CA1: variants seen among roughly 807,000 people sequenced by gnomAD.
The protein encoded by CA1 is carbonic anhydrase 1.
In CA1, 27 loss-of-function variants were observed where a neutral mutation model predicts 28.8. The observed-to-expected ratio is 0.94, with a 90% CI of 0.69 to 1.29. CA1 has a LOEUF of 1.29. CA1 is among the 50% of genes most tolerant of loss of function. The pLI is 0.00. For missense variants in CA1, 335 were observed against 310.5 expected (o/e 1.08, Z -0.59); for synonymous variants, 121 against 108.8 (o/e 1.11, Z -0.70).
chr8:85,353,493 G>A lies in CA1; in HGVS notation c.-24-11834C>T, dbSNP rs934421654. On this transcript the variant is annotated intron_variant, in intron 1 of 7. Coordinates refer to ENST00000523022, the MANE Select transcript of CA1 (RefSeq NM_001128831.4). ...ACTGCACGTATTATTTTGCTCTTTC[G>A]AAAAAAATACAAATAATACATACTG... Among the ~76,000 whole-genome samples, 5 of 151,960 alleles carry A rather than the reference G, an allele frequency of 3.3e-5. No individual in the cohort carries two copies. The South Asian group carries it at 6.2e-4, about 19-fold the overall frequency.
At chr8:85,334,412 T>C (rs1031058662) in intron 4 of CA1, among the ~76,000 whole-genome samples, 3 of 152,148 alleles carry the variant, frequency 2.0e-5, no homozygotes, top group African/African-American at 7.2e-5. Context: ...TTCTCTGGAA[T>C]TTCCTTCCCC....
intron 1 of CA1, among the ~76,000 whole-genome samples, chr8:85,376,153 A>C (rs1028474952): frequency 2.0e-5 from 3 of 152,128 alleles, no homozygotes; most frequent in African/African-American, 7.2e-5. Context: ...CAACATGGCG[A>C]AACCCCATCT....
At chr8:85,334,508 T>A (rs1309522707) in intron 4 of CA1, among the ~76,000 whole-genome samples, 1 of 152,132 alleles carries the variant, frequency 6.6e-6, no homozygotes. Context: ...GATCATCCAA[T>A]ATAAAGTAAC....
At chr8:85,368,299 A>G (rs1208252282) in intron 1 of CA1, among the ~76,000 whole-genome samples, 1 of 151,854 alleles carries the variant, frequency 6.6e-6, no homozygotes, top group Non-Finnish European at 1.5e-5. Context: ...TCCTGAGTAG[A>G]TGGGACTAGA....
chr8:85,333,571 G>A lies in CA1; in HGVS notation c.404C>T (p.Ala135Val). 6.2e-7 allele frequency: 1 copy of A among 1,612,864 alleles called. No individual in the cohort carries two copies. Among genetic ancestry groups the A allele is most frequent in the Non-Finnish European group, 8.5e-7 (1 of 1,179,150 alleles). The change falls in exon 5 of 8, where the codon GCT (alanine) becomes GTT (valine). Residue 135 changes from alanine to valine, a missense_variant. Transcript: ENST00000523022. ...TGCCAAACCATCAGCCTTTGAGGCA[G>A]CTTCAGCAAGGCTGGAGTACTTTGC... Reference protein sequence around the residue: ...NSAKYSSLAEAASKADGLAVI... With the variant: ...NSAKYSSLAEVASKADGLAVI...
At chr8:85,369,585 A>T (rs931935577) in intron 1 of CA1, among the ~76,000 whole-genome samples, 3 of 152,206 alleles carry the variant, frequency 2.0e-5, no homozygotes, top group African/African-American at 7.2e-5. Context: ...AGGGCCAACA[A>T]GAAGGAGATG....
intron 4 of CA1, among the ~76,000 whole-genome samples, chr8:85,334,722 G>C (rs773919599): frequency 1.3e-5 from 2 of 150,848 alleles, no homozygotes; most frequent in African/African-American, 4.9e-5. Context: ...TTTAAAAACA[G>C]TATCTCACGC....
intron 1 of CA1, among the ~76,000 whole-genome samples, chr8:85,370,857 T>G (rs1810197012): frequency 6.6e-6 from 1 of 152,224 alleles, no homozygotes; most frequent in African/African-American, 2.4e-5. Flanking sequence ...TAGGTTAAAA[T>G]ATAATTTGCC....
chr8:85,336,948 G>T lies in CA1; in HGVS notation c.351C>A (p.Ala117=), dbSNP rs779414954. 6.4e-7 allele frequency: 1 copy of T among 1,573,296 alleles called. No homozygotes were observed. The highest frequency in any genetic ancestry group is 8.7e-7 in the Non-Finnish European group (1 of 1,143,026). ...CTCACTTACTAAATTACATTACCTC[G>T]GCAGAATATTTGACTCCATCCACTG... ...EHTVDGVKYS[A]ELHVAHWNSA... is the part of the protein sequence containing the mutation. Residue 117 remains alanine (A), a synonymous_variant, in exon 4 of 8, where the codon GCC becomes GCA. Transcript: ENST00000523022.
At chr8:85,329,281 A>T (rs1808298506) in intron 7 of CA1, among the ~76,000 whole-genome samples, 1 of 152,192 alleles carries the variant, frequency 6.6e-6, no homozygotes, top group Non-Finnish European at 1.5e-5. Flanking sequence ...ATTTTGTTGA[A>T]TATTTAAAAG....
At position 85,360,671 on chromosome 8, in the gene CA1, C is replaced by T. The variant is rs1044470881; in HGVS notation, c.-25+17375G>A. Reference sequence around the variant, plus strand: ...TTGCAGCACTGCACTCCAGCCTGGGCGACACCCCCTGTCTCTAAATAAATA... The same window carrying T: ...TTGCAGCACTGCACTCCAGCCTGGGTGACACCCCCTGTCTCTAAATAAATA... On this transcript the variant is annotated intron_variant, in intron 1 of 7. Coordinates refer to ENST00000523022, the MANE Select transcript of CA1 (RefSeq NM_001128831.4). Among the ~76,000 whole-genome samples the T allele has an allele frequency of 2.0e-5, 3 of 152,072 alleles. 1 individual carries two copies. Among genetic ancestry groups the T allele is most frequent in the South Asian group, 4.1e-4 (2 of 4,820 alleles).
rs1366279124 is a variant in CA1, at chr8:85,338,398, G to A, written c.89C>T (p.Ser30Phe). 1 of 1,613,876 alleles carries A rather than the reference G, an allele frequency of 6.2e-7. No individual in the cohort carries two copies. The highest frequency in any genetic ancestry group is 8.5e-7 in the Non-Finnish European group (1 of 1,179,936). ...TTCACTGGTTTTAATATCAACAGGG[G>A]ACTGGTTATTTCCATTGGCAATGGG... is the stretch of plus-strand genomic sequence containing the variant. ...LYPIANGNNQ[S>F]PVDIKTSETK... is the part of the protein sequence containing the mutation. The change falls in exon 3 of 8, where the codon TCC becomes TTC. Residue 30 changes from serine (S) to phenylalanine (F), a missense_variant. By Grantham distance (155) the Ser-to-Phe change is radical (BLOSUM62 -2). Transcript: ENST00000523022.
At chr8:85,348,346 C>T (rs1809281656) in intron 1 of CA1, among the ~76,000 whole-genome samples, 1 of 152,232 alleles carries the variant, frequency 6.6e-6, no homozygotes, top group South Asian at 2.1e-4. Context: ...AAATCAAATG[C>T]TCAAGTCAGA....
intron 6 of CA1, among the ~76,000 whole-genome samples, chr8:85,332,059 A>AT (rs941495510): frequency 4.0e-5 from 6 of 151,854 alleles, no homozygotes; most frequent in African/African-American, 1.5e-4. Flanking sequence ...CAAAAAATCC[A>AT]TTTTTTTTGA....
chr8:85,352,758 C>T (rs1326129058), intron 1 of CA1, among the ~76,000 whole-genome samples: 1 of 151,816 alleles, frequency 6.6e-6, no homozygotes, highest in Non-Finnish European at 1.5e-5. Flanking sequence ...CCTCTGCCTC[C>T]CAGATTCAAG....
chr8:85,338,535 A>G (rs1564024980), intron 2 of CA1, 86 bp from the exon 3 acceptor site: 1 of 995,122 alleles, frequency 1.0e-6, no homozygotes, highest in South Asian at 1.3e-5. Flanking sequence ...TTTGCTTATT[A>G]GATTAGGGTT....
intron 2 of CA1, chr8:85,341,394 A>G (rs1360898587): frequency 2.3e-5 from 10 of 435,204 alleles, no homozygotes; most frequent in South Asian, 3.5e-5. Context: ...GTATGCCTGT[A>G]TATATATATA....
rs373468323 is a variant in CA1 at position 85,329,679 on chromosome 8, A to G, written c.669+10T>C. 3.5e-5 allele frequency: 56 copies of G among 1,608,036 alleles called. No homozygotes were observed. Among genetic ancestry groups the G allele is most frequent in the South Asian group, 3.3e-4 (30 of 90,374 alleles). On this transcript the variant is annotated intron_variant, in intron 7 of 7. Transcript: ENST00000523022. ...ACGCATTCCCAGTTCCCATTCATTC[A>G]CAACTCTACCTGCTCTGAGCTGACA...
Position 85,329,834 on chromosome 8 carries a change from G to A in CA1, c.524C>T (p.Ala175Val). 6.3e-7 allele frequency: 1 copy of A among 1,590,250 alleles called. No homozygotes were observed. Among genetic ancestry groups the A allele is most frequent in the Non-Finnish European group, 8.6e-7 (1 of 1,166,046 alleles). ...LQAIKTKGKRAPFTNFDPSTL... is the reference protein window; with the variant it reads ...LQAIKTKGKRVPFTNFDPSTL... ...AGAGGGGTCAAAATTTGTGAATGGG[G>A]CTCGTTTGCCCTGGAAGAAAAGAAT... The change falls in exon 7 of 8, where the codon GCC becomes GTC. Residue 175 changes from alanine (A) to valine (V), a missense_variant. Physicochemically the swap from Ala to Val is moderately conservative, Grantham distance 64. Coordinates refer to ENST00000523022, the MANE Select transcript of CA1 (RefSeq NM_001128831.4).
Sources: allele counts gnomAD v4.1 joint callset (sites outside exome capture counted in the v4.1 genomes callset), GRCh38; gene constraint gnomAD v4.1.1; transcripts MANE v1.5; gene names NCBI Gene and HGNC (gene_info 2026-07-23, HGNC 2026-07-21).